HDAC9: variants seen among roughly 807,000 people sequenced by gnomAD.
HDAC9 encodes MEF-2 interacting transcription repressor (MITR) protein.
In HDAC9, 41 loss-of-function variants were observed where a neutral mutation model predicts 139.4. That is an observed-to-expected ratio of 0.29 (90% CI 0.23 to 0.38). The LOEUF is 0.38. HDAC9 is among the 10% of genes least tolerant of loss of function. HDAC9 has a pLI of 1.00. For synonymous variants in HDAC9, 517 were observed against 476.2 expected (o/e 1.09, Z -1.12); for missense variants, 1,147 against 1,297.0 (o/e 0.88, Z 1.78).
In HDAC9 at chr7:18,099,840, G is replaced by A. The variant is rs925014320; in HGVS notation, c.-97+12627G>A. Among the ~76,000 whole-genome samples the A allele has an allele frequency of 2.6e-5, 4 of 151,928 alleles. No individual in the cohort carries two copies. In the East Asian group the frequency reaches 5.8e-4, roughly 22 times the overall value. On this transcript the variant is annotated intron_variant, in intron 1 of 12. Coordinates refer to the HDAC9 transcript ENST00000417496. ...ATGTTATAAAGCCCTTACTACATTC[G>A]TATTTTATTAAAACAGTAATTATTT...
intron 1 of HDAC9, among the ~76,000 whole-genome samples, chr7:18,316,437 T>A (rs959868978): frequency 4.6e-5 from 7 of 152,098 alleles, no homozygotes; most frequent in African/African-American, 1.4e-4. Flanking sequence ...CATTCTATAA[T>A]GGTTTTGTGC....
At chr7:18,095,732 CAACA>C (rs1452048767) in intron 1 of HDAC9, among the ~76,000 whole-genome samples, 5 of 152,008 alleles carry the variant, frequency 3.3e-5, no homozygotes, top group South Asian at 2.1e-4. Flanking sequence ...AAACCAAACC[CAACA>C]AACAAATGTT....
At chr7:18,734,101 T>C (rs149910659) in intron 13 of HDAC9, among the ~76,000 whole-genome samples, 1,888 of 152,294 alleles carry the variant, frequency 0.012, 28 homozygotes, top group African/African-American at 0.035. Flanking sequence ...AATCCTGAAT[T>C]GAGTAAGTCT....
intron 1 of HDAC9, among the ~76,000 whole-genome samples, chr7:18,394,799 G>C (rs978882828): frequency 6.6e-6 from 1 of 152,068 alleles, no homozygotes; most frequent in Admixed American, 6.6e-5. Flanking sequence ...AGTCTTAGCC[G>C]AACTGTTGTA....
At chr7:18,694,314 G>A (rs1782881404) in intron 12 of HDAC9, among the ~76,000 whole-genome samples, 1 of 152,164 alleles carries the variant, frequency 6.6e-6, no homozygotes, top group South Asian at 2.1e-4. Flanking sequence ...TAATGAATGT[G>A]TTGATTTCTT....
intron 2 of HDAC9, among the ~76,000 whole-genome samples, chr7:18,173,606 G>A (rs9638750): frequency 0.41 from 61,545 of 151,918 alleles, 13,765 homozygotes; most frequent in African/African-American, 0.6. Context: ...TTTCCTTTCC[G>A]TGTTTAGTGC....
chr7:18,233,031 A>C (rs537139511), intron 2 of HDAC9, among the ~76,000 whole-genome samples: 1 of 152,030 alleles, frequency 6.6e-6, no homozygotes, highest in Non-Finnish European at 1.5e-5. Context: ...TATAAGTATA[A>C]ACTTCTGAAA....
chr7:18,422,520 T>C (rs1193183251), intron 1 of HDAC9, among the ~76,000 whole-genome samples: 2 of 152,146 alleles, frequency 1.3e-5, no homozygotes, highest in Non-Finnish European at 2.9e-5. Context: ...CATGGACTAA[T>C]AGTGGTGGTC....
intron 1 of HDAC9, among the ~76,000 whole-genome samples, chr7:18,480,628 T>A (rs1586194019): frequency 6.6e-6 from 1 of 152,094 alleles, no homozygotes; most frequent in African/African-American, 2.4e-5. Flanking sequence ...GAGCTGCAGA[T>A]TGAGGAAAGG....
chr7:18,728,968 A>G (rs886273246), intron 13 of HDAC9, among the ~76,000 whole-genome samples: 1 of 152,122 alleles, frequency 6.6e-6, no homozygotes. Context: ...TGACTCTTCT[A>G]CTTCCAGGAG....
At chr7:18,706,263 A>T (rs1017599024) in intron 12 of HDAC9, among the ~76,000 whole-genome samples, 2 of 142,890 alleles carry the variant, frequency 1.4e-5, no homozygotes, top group Admixed American at 1.5e-4. Flanking sequence ...TTCCATATGG[A>T]TGCTGATGGC....
At chr7:18,258,337 T>G (rs1182540248) in intron 2 of HDAC9, among the ~76,000 whole-genome samples, 1 of 152,236 alleles carries the variant, frequency 6.6e-6, no homozygotes, top group Non-Finnish European at 1.5e-5. Context: ...TTTATTTATT[T>G]TTTATTTCAG....
chr7:18,847,490 A>G (rs1212663871), intron 21 of HDAC9, among the ~76,000 whole-genome samples: 1 of 152,172 alleles, frequency 6.6e-6, no homozygotes, highest in African/African-American at 2.4e-5. Context: ...AATAAGGAGG[A>G]TTATTATTAA....
intron 17 of HDAC9, among the ~76,000 whole-genome samples, chr7:18,818,777 C>T (rs1794754706): frequency 6.6e-6 from 1 of 152,118 alleles, no homozygotes; most frequent in African/African-American, 2.4e-5. Flanking sequence ...GCCTAAATTA[C>T]TCCATCTAGG....
chr7:18,140,904 T>C (rs1336906488), intron 1 of HDAC9, among the ~76,000 whole-genome samples: 2 of 151,602 alleles, frequency 1.3e-5, no homozygotes, highest in African/African-American at 2.4e-5. Context: ...AGCCAAACTT[T>C]AAAGTTTTTT....
intron 2 of HDAC9, among the ~76,000 whole-genome samples, chr7:18,524,177 C>A (rs1325981866): frequency 6.6e-6 from 1 of 152,180 alleles, no homozygotes; most frequent in Non-Finnish European, 1.5e-5. Flanking sequence ...CAGATAGCAT[C>A]TATTTACCTG....
intron 2 of HDAC9, among the ~76,000 whole-genome samples, chr7:18,560,708 A>G (rs892377447): frequency 6.6e-6 from 1 of 152,158 alleles, no homozygotes; most frequent in Admixed American, 6.5e-5. Flanking sequence ...AAGCACCCTC[A>G]TTAAAGGCCT....
intron 12 of HDAC9, among the ~76,000 whole-genome samples, chr7:18,706,491 G>T (rs1475805004): frequency 6.6e-6 from 1 of 152,126 alleles, no homozygotes; most frequent in Non-Finnish European, 1.5e-5. Context: ...CTCAAATAGG[G>T]AAATGATTCT....
At chr7:18,793,791 A>G (rs1792542313) in intron 17 of HDAC9, among the ~76,000 whole-genome samples, 1 of 152,162 alleles carries the variant, frequency 6.6e-6, no homozygotes, top group Admixed American at 6.5e-5. Context: ...CTTTTGAGGC[A>G]ATTTTAAAAA....
Sources: gnomAD v4.1 joint callset for allele counts (sites outside exome capture counted in the v4.1 genomes callset) on GRCh38, gnomAD v4.1.1 for gene constraint, MANE v1.5 for transcripts, NCBI Gene and HGNC (gene_info 2026-07-23, HGNC 2026-07-21) for gene names.